The following GLDN variants were observed in gnomAD, a reference collection of about 807,000 sequenced individuals.
The protein encoded by GLDN is gliomedin.
GLDN carries 47 observed loss-of-function variants against 56.5 expected under a neutral mutation model. The ratio of observed to expected loss-of-function variants is 0.83; its 90% CI spans 0.66 to 1.06. GLDN has a LOEUF of 1.06. Ranked by LOEUF, GLDN falls within the 50% of genes least tolerant of loss-of-function variation. The pLI is 0.00. For missense variants in GLDN, 782 were observed against 714.3 expected (o/e 1.09, Z -1.08); for synonymous variants, 332 against 278.8 (o/e 1.19, Z -1.90).
At chr15:51,358,322 A>G (rs1400656597) in intron 1 of GLDN, among the ~76,000 whole-genome samples, 1 of 152,130 alleles carries the variant, frequency 6.6e-6, no homozygotes, top group Non-Finnish European at 1.5e-5. Flanking sequence ...CTTCAGTGCC[A>G]TTTTCAAGGA....
chr15:51,351,199 C>G (rs1005252741), intron 1 of GLDN: 1 of 266,346 alleles, frequency 3.8e-6, no homozygotes, highest in Non-Finnish European at 7.4e-6. Flanking sequence ...TGTTTAGAGA[C>G]AGGGTCTCAC....
In GLDN at chr15:51,341,808, C is replaced by A. The variant is rs775014183; in HGVS notation, c.124C>A (p.Arg42Ser). 9.9e-6 allele frequency: 15 copies of A among 1,513,288 alleles called. No homozygotes were observed. The South Asian group carries it at 1.6e-4, about 16-fold the overall frequency. The allele number at this position is 1,513,288 out of a possible 1,614,324, so 93.7% of individuals were successfully genotyped here. The change falls in exon 1 of 10, where the codon CGC (arginine) becomes AGC (serine). Residue 42 changes from arginine (R) to serine (S), a missense_variant. By Grantham distance (110) the Arg-to-Ser change is moderately radical (BLOSUM62 -1). Transcript: ENST00000335449. Reference sequence around the variant, plus strand: ...CACGGTGTTCGCGCTGTGCCAGTGGCGCGGGCTGAGCTCGGCGCTGCGGGC... The same window carrying A: ...CACGGTGTTCGCGCTGTGCCAGTGGAGCGGGCTGAGCTCGGCGCTGCGGGC... Reference protein sequence around the residue: ...AGTVFALCQWRGLSSALRALE... With the variant: ...AGTVFALCQWSGLSSALRALE...
Position 51,341,856 on chromosome 15 carries a change from G to C in GLDN, c.172G>C (p.Glu58Gln), listed in dbSNP as rs748464480. ...LRALEAQRGREQREDSALRSF... is the reference protein window; with the variant it reads ...LRALEAQRGRQQREDSALRSF... Reference sequence around the variant, plus strand: ...GGCTTTGGAGGCGCAGCGGGGCCGGGAGCAGCGCGAGGACAGTGCCCTGCG... The same window carrying C: ...GGCTTTGGAGGCGCAGCGGGGCCGGCAGCAGCGCGAGGACAGTGCCCTGCG... The change falls in exon 1 of 10, where the codon GAG becomes CAG. Residue 58 changes from glutamate to glutamine, a missense_variant. Glu to Gln is a conservative substitution (Grantham distance 29). Transcript: ENST00000335449. The C allele has an allele frequency of 1.3e-6, 2 of 1,533,628 alleles. No homozygotes were observed. The highest frequency in any genetic ancestry group is 3.9e-5 in the Admixed American group (2 of 50,980).
intron 1 of GLDN, among the ~76,000 whole-genome samples, chr15:51,368,303 A>C (rs1355296855): frequency 6.6e-6 from 1 of 152,174 alleles, no homozygotes; most frequent in Non-Finnish European, 1.5e-5. Context: ...TCAGCGTAAC[A>C]GCGAAAAAGT....
chr15:51,382,939 C>T (rs926829026), intron 2 of GLDN, among the ~76,000 whole-genome samples: 2 of 152,122 alleles, frequency 1.3e-5, no homozygotes, highest in African/African-American at 4.8e-5. Context: ...TTTTCTCAGG[C>T]TATTTCATGT....
downstream of GLDN, among the ~76,000 whole-genome samples, chr15:51,412,508 C>T (rs2038477488): frequency 6.6e-6 from 1 of 152,202 alleles, no homozygotes; most frequent in Non-Finnish European, 1.5e-5. Flanking sequence ...CTTGCCATCT[C>T]TCTCTCTCTA....
intron 4 of GLDN, among the ~76,000 whole-genome samples, chr15:51,392,329 G>A (rs141964365): frequency 8.2e-4 from 125 of 152,202 alleles, no homozygotes; most frequent in Non-Finnish European, 1.3e-3. Context: ...ATTACCGCCC[G>A]AGCTCCCTTC....
At chr15:51,369,881 C>T (rs559995825) in intron 1 of GLDN, among the ~76,000 whole-genome samples, 6 of 152,118 alleles carry the variant, frequency 3.9e-5, no homozygotes, top group South Asian at 2.1e-4. Flanking sequence ...TTTGGGAGGC[C>T]GACACAGGAG....
At chr15:51,381,043 A>C (rs1231017397) in intron 2 of GLDN, among the ~76,000 whole-genome samples, 2 of 152,208 alleles carry the variant, frequency 1.3e-5, no homozygotes, top group African/African-American at 4.8e-5. Context: ...TGCATTTACT[A>C]GGCATTGCAG....
In GLDN at chr15:51,405,941, C is replaced by G. The variant is rs146002400; in HGVS notation, c.*1187C>G. On this transcript the variant is annotated 3_prime_UTR_variant, in exon 10 of 10. Transcript: ENST00000335449. ...CAAAGAGCATATGGCCCCACAGTGCCTAAAATATTGACCAGCTACCCCTTT... is the reference window on the plus strand; with the variant it reads ...CAAAGAGCATATGGCCCCACAGTGCGTAAAATATTGACCAGCTACCCCTTT... 6.6e-5 allele frequency: 10 copies of G among 152,282 alleles called. No individual in the cohort carries two copies. The highest frequency in any genetic ancestry group is 1.9e-4 in the African/African-American group (8 of 41,548). The allele number at this position is 152,282 out of a possible 1,614,324, so 9.4% of individuals were successfully genotyped here. A position where few individuals can be genotyped will look rare whatever the true frequency, so the allele number is the denominator to read the frequency against.
Position 51,342,057 on chromosome 15 carries a change from GT to G in GLDN, c.363+11del. The G allele has an allele frequency of 1.3e-6, 2 of 1,591,476 alleles. No individual in the cohort carries two copies. Among genetic ancestry groups the G allele is most frequent in the Admixed American group, 1.7e-5 (1 of 59,206 alleles). On this transcript the variant is annotated intron_variant, in intron 1 of 9. Transcript: ENST00000335449. ...CTACTCCATGGTGCCGGTAGGCGGG[GT>G]CTCTGTTCCCCGTGGCGCCCCGGCC... is the stretch of plus-strand genomic sequence containing the variant.
intron 4 of GLDN, among the ~76,000 whole-genome samples, chr15:51,388,154 C>T (rs2037940550): frequency 6.6e-6 from 1 of 152,164 alleles, no homozygotes; most frequent in Non-Finnish European, 1.5e-5. Context: ...CATCCTTGGC[C>T]TCTGTGTCTA....
At chr15:51,365,325 A>T (rs1797150005) in intron 1 of GLDN, among the ~76,000 whole-genome samples, 1 of 152,046 alleles carries the variant, frequency 6.6e-6, no homozygotes, top group Non-Finnish European at 1.5e-5. Context: ...TTTCTTTACT[A>T]ATTTGCAAGT....
At chr15:51,349,452 T>G (rs900669516) in intron 1 of GLDN, among the ~76,000 whole-genome samples, 4 of 152,270 alleles carry the variant, frequency 2.6e-5, no homozygotes, top group African/African-American at 9.6e-5. Context: ...GCTTTTACAT[T>G]TATAAATGGG....
Position 51,394,986 on chromosome 15 carries a change from G to C in GLDN, c.688+5G>C, listed in dbSNP as rs377006239. On this transcript the variant is annotated splice_donor_5th_base_variant and intron_variant, in intron 5 of 9. Transcript: ENST00000335449. ...CCAACGACGTGCTCCTGGCAGGTAA[G>C]AGGGGTACGCTGTGGCTCTCTTTGA... is the stretch of plus-strand genomic sequence containing the variant. 6.2e-5 allele frequency: 99 copies of C among 1,589,222 alleles called. No individual in the cohort carries two copies. In the African/African-American group the frequency reaches 1.2e-3, roughly 20 times the overall value.
Position 51,387,886 on chromosome 15 carries a change from T to C in GLDN, c.541+3994T>C, listed in dbSNP as rs2037935068. ...AAGGTCTCCGTACACTCAGCTCATCTAGTCCTCAGAACAACCCAAGGGCAT... is the reference window on the plus strand; with the variant it reads ...AAGGTCTCCGTACACTCAGCTCATCCAGTCCTCAGAACAACCCAAGGGCAT... On this transcript the variant is annotated intron_variant, in intron 4 of 9. Coordinates refer to ENST00000335449, the MANE Select transcript of GLDN (RefSeq NM_181789.4). Among the ~76,000 whole-genome samples, 2 of 152,216 alleles carry C rather than the reference T, an allele frequency of 1.3e-5. 1 individual carries two copies. Among genetic ancestry groups the C allele is most frequent in the South Asian group, 4.1e-4 (2 of 4,830 alleles).
chr15:51,386,004 A>G (rs1386429250), intron 4 of GLDN, among the ~76,000 whole-genome samples: 1 of 152,138 alleles, frequency 6.6e-6, no homozygotes, highest in African/African-American at 2.4e-5. Flanking sequence ...CTGAGAGGCT[A>G]TAGGAGGGAA....
rs1248927402 is a variant in GLDN at position 51,404,906 on chromosome 15, A to G, written c.*152A>G. Reference sequence around the variant, plus strand: ...GTCAGTGAGCCCCGCTTAGTGAAATAGCAACAGATTGGAAGTTGAAATGGC... The same window carrying G: ...GTCAGTGAGCCCCGCTTAGTGAAATGGCAACAGATTGGAAGTTGAAATGGC... On this transcript the variant is annotated 3_prime_UTR_variant, in exon 10 of 10. Coordinates refer to ENST00000335449, the MANE Select transcript of GLDN (RefSeq NM_181789.4). 1 of 629,858 alleles carries G rather than the reference A, an allele frequency of 1.6e-6. No homozygotes were observed. The highest frequency in any genetic ancestry group is 1.8e-5 in the African/African-American group (1 of 55,276). The allele number at this position is 629,858 out of a possible 1,614,324, so 39.0% of individuals were successfully genotyped here. A position where few individuals can be genotyped will look rare whatever the true frequency, so the allele number is the denominator to read the frequency against.
intron 1 of GLDN, among the ~76,000 whole-genome samples, chr15:51,355,860 C>A (rs914028675): frequency 1.4e-4 from 21 of 150,422 alleles, no homozygotes; most frequent in African/African-American, 5.1e-4. Context: ...TCTTTGTCAC[C>A]TGTATCTTGT....
Sources: allele counts gnomAD v4.1 joint callset (sites outside exome capture counted in the v4.1 genomes callset), GRCh38; gene constraint gnomAD v4.1.1; transcripts MANE v1.5; gene names NCBI Gene and HGNC (gene_info 2026-07-23, HGNC 2026-07-21).